Variants in SLC16A12 observed in about 807,000 individuals in gnomAD.
SLC16A12 encodes solute carrier family 16 member 12.
In SLC16A12, 17 loss-of-function variants were observed where a neutral mutation model predicts 42.4. The ratio of observed to expected loss-of-function variants is 0.40; its 90% CI spans 0.27 to 0.60. The LOEUF (loss-of-function observed/expected upper bound fraction) is 0.60, where lower values mean the gene tolerates loss of function less well. SLC16A12 is among the 20% of genes least tolerant of loss of function. SLC16A12 has a pLI of 0.42. For missense variants in SLC16A12, 544 were observed against 623.0 expected, an observed-to-expected ratio of 0.87 and a Z score of 1.35; for synonymous variants, 224 against 229.4, an observed-to-expected ratio of 0.98 and a Z score of 0.21.
chr10:89,469,617 C>T (rs1842461627), intron 2 of SLC16A12, among the ~76,000 whole-genome samples: 1 of 152,298 alleles, frequency 6.6e-6, no homozygotes, highest in African/African-American at 2.4e-5. Flanking sequence ...CTATTTCCTT[C>T]ACCTTTAGCT....
At chr10:89,483,738 T>C (rs1401636254) in intron 2 of SLC16A12, among the ~76,000 whole-genome samples, 1 of 62,316 alleles carries the variant, frequency 1.6e-5, no homozygotes, top group Non-Finnish European at 3.2e-5. Flanking sequence ...ACGCTGCCTC[T>C]AAAAAAAAAA....
At chr10:89,448,892 A>C (rs1842046574) in intron 3 of SLC16A12, among the ~76,000 whole-genome samples, 1 of 152,258 alleles carries the variant, frequency 6.6e-6, no homozygotes, top group African/African-American at 2.4e-5. Context: ...TTAAGCTGAT[A>C]AGCAACTTCA....
At chr10:89,484,379 A>T (rs1176302507) in intron 2 of SLC16A12, among the ~76,000 whole-genome samples, 6 of 152,164 alleles carry the variant, frequency 3.9e-5, no homozygotes, top group African/African-American at 1.4e-4. Context: ...GAGGGTTACA[A>T]ATATCTGCTC....
At chr10:89,474,398 T>G (rs17122257) in intron 2 of SLC16A12, among the ~76,000 whole-genome samples, 10,305 of 152,210 alleles carry the variant, frequency 0.068, 511 homozygotes, top group East Asian at 0.22. Context: ...CTACGCCTAA[T>G]AAATGAATGA....
At chr10:89,542,790 C>T (rs1843722855) in intron 2 of SLC16A12, among the ~76,000 whole-genome samples, 1 of 152,282 alleles carries the variant, frequency 6.6e-6, no homozygotes, top group Admixed American at 6.5e-5. Flanking sequence ...TCTGGCCATT[C>T]CTATTCCCCA....
At chr10:89,484,730 A>T (rs1224226948) in intron 2 of SLC16A12, among the ~76,000 whole-genome samples, 3 of 152,338 alleles carry the variant, frequency 2.0e-5, no homozygotes, top group African/African-American at 7.2e-5. Flanking sequence ...ACTTGTGTGC[A>T]ATATAATCTA....
intron 2 of SLC16A12, among the ~76,000 whole-genome samples, chr10:89,543,345 T>C (rs1289165625): frequency 6.6e-6 from 1 of 152,230 alleles, no homozygotes; most frequent in African/African-American, 2.4e-5. Flanking sequence ...ACTCTAGTGA[T>C]AGTCATTAAG....
At chr10:89,535,994 G>T (rs1843653841), upstream of SLC16A12, among the ~76,000 whole-genome samples, 1 of 152,234 alleles carries the variant, frequency 6.6e-6, no homozygotes, top group Admixed American at 6.5e-5. Context: ...TTAGCGCGGG[G>T]ATCCGCTCTA....
At chr10:89,486,952 C>T (rs1160728477) in intron 2 of SLC16A12, among the ~76,000 whole-genome samples, 3 of 152,136 alleles carry the variant, frequency 2.0e-5, no homozygotes, top group African/African-American at 7.2e-5. Context: ...TGGGCTGGTA[C>T]CAAATCAACC....
chr10:89,460,744 CAAA>C (rs751005622), intron 3 of SLC16A12, among the ~76,000 whole-genome samples: 22 of 68,436 alleles, frequency 3.2e-4, no homozygotes, highest in African/African-American at 1.1e-3. Context: ...GACACTGTCT[CAAA>C]AAAAAAAAAA....
At chr10:89,537,590 T>C (rs747030560), upstream of SLC16A12, among the ~76,000 whole-genome samples, 14 of 152,308 alleles carry the variant, frequency 9.2e-5, no homozygotes, top group Non-Finnish European at 1.3e-4. Context: ...CCTGTAAATG[T>C]AGAGGCTGCC....
At chr10:89,537,576 T>C (rs1843687818), upstream of SLC16A12, among the ~76,000 whole-genome samples, 1 of 152,126 alleles carries the variant, frequency 6.6e-6, no homozygotes, top group Non-Finnish European at 1.5e-5. Flanking sequence ...GCATTGAAAA[T>C]GAACCTGTAA....
chr10:89,450,223 T>A (rs1276712276), intron 3 of SLC16A12, among the ~76,000 whole-genome samples: 2 of 152,158 alleles, frequency 1.3e-5, no homozygotes, highest in Non-Finnish European at 2.9e-5. Context: ...GGATCTAGAA[T>A]TAGAAATACC....
chr10:89,467,627 T>C (rs998556298), intron 2 of SLC16A12, among the ~76,000 whole-genome samples: 1 of 152,182 alleles, frequency 6.6e-6, no homozygotes, highest in Non-Finnish European at 1.5e-5. Flanking sequence ...TGAGGGAAGC[T>C]ATGTAAAGCT....
chr10:89,515,091 C>CA (rs59388252), intron 2 of SLC16A12, among the ~76,000 whole-genome samples: 4 of 144,514 alleles, frequency 2.8e-5, no homozygotes, highest in South Asian at 2.3e-4. Flanking sequence ...GACTTCATCT[C>CA]AAAAAAAAGA....
intron 2 of SLC16A12, among the ~76,000 whole-genome samples, chr10:89,471,632 C>A (rs1423123505): frequency 1.3e-5 from 2 of 152,126 alleles, no homozygotes; most frequent in African/African-American, 4.8e-5. Flanking sequence ...TGTTTTCATT[C>A]TCTTGAGTAA....
rs563913406 is a variant in SLC16A12, at chr10:89,542,202, T to C, written c.-47+13680A>G. On this transcript the variant is annotated intron_variant, in intron 2 of 2. Coordinates refer to the SLC16A12 transcript ENST00000475682. Reference sequence around the variant, plus strand: ...AGACTATTTTTACAAAAATATTCAATTTAGATCATATTGTTATGAATTATT... The same window carrying C: ...AGACTATTTTTACAAAAATATTCAACTTAGATCATATTGTTATGAATTATT... Among the ~76,000 whole-genome samples, 42 of 152,304 alleles carry C rather than the reference T, an allele frequency of 2.8e-4. No homozygotes were observed. In the South Asian group the frequency reaches 8.5e-3, roughly 31 times the overall value.
At position 89,441,155 on chromosome 10, in the gene SLC16A12, AATGAGCTCAGG is replaced by A; in HGVS notation, c.390_400del (p.Leu131CysfsTer65). ...GTAGAGATGCTTCAGACTCGTGGCAAATGAGCTCAGGATGAGTCCAGTAGATGCAAGCAAGC... is the reference window on the plus strand; with the variant it reads ...GTAGAGATGCTTCAGACTCGTGGCAAATGAGTCCAGTAGATGCAAGCAAGC... On this transcript the variant is annotated frameshift_variant, in exon 5 of 8. Transcript: ENST00000371790. LOFTEE classifies it high-confidence loss of function. 6.2e-7 allele frequency: 1 copy of A among 1,613,952 alleles called. No individual in the cohort carries two copies. Among genetic ancestry groups the A allele is most frequent in the Non-Finnish European group, 8.5e-7 (1 of 1,179,852 alleles).
At chr10:89,477,936 T>C (rs1399568355) in intron 2 of SLC16A12, among the ~76,000 whole-genome samples, 1 of 128,098 alleles carries the variant, frequency 7.8e-6, no homozygotes, top group Non-Finnish European at 1.6e-5. Context: ...TTGGAGAACA[T>C]GAGTTCTTTC....
Sources: allele counts gnomAD v4.1 joint callset (sites outside exome capture counted in the v4.1 genomes callset), GRCh38; gene constraint gnomAD v4.1.1; transcripts MANE v1.5; gene names NCBI Gene and HGNC (gene_info 2026-07-23, HGNC 2026-07-21).